The following ZNF493 variants were observed in gnomAD, a reference collection of about 807,000 sequenced individuals.
The protein encoded by ZNF493 is zinc finger protein 493.
In ZNF493, 11 loss-of-function variants were observed where a neutral mutation model predicts 12.2. That is an observed-to-expected ratio of 0.90 (90% CI 0.57 to 1.50). The LOEUF (loss-of-function observed/expected upper bound fraction) is 1.50. Among genes scored for constraint, ZNF493 ranks in the 40% most tolerant of loss-of-function variants. ZNF493 has a pLI of 0.00. For missense variants in ZNF493, 950 were observed against 906.6 expected (o/e 1.05, Z -0.61); for synonymous variants, 286 against 302.6 (o/e 0.95, Z 0.57).
At chr19:21,418,885 A>G (rs2030572004) in intron 3 of ZNF493, among the ~76,000 whole-genome samples, 1 of 152,096 alleles carries the variant, frequency 6.6e-6, no homozygotes, top group Admixed American at 6.5e-5. Flanking sequence ...CCTTGCCCTC[A>G]TTCTGGTAAA....
At chr19:21,398,793 T>C in intron 1 of ZNF493, 1 of 181,330 alleles carries the variant, frequency 5.5e-6, no homozygotes, top group Non-Finnish European at 1.1e-5. Context: ...CAGATGCTGG[T>C]AATGAGGGGA....
chr19:21,397,226 TC>T lies in ZNF493; in HGVS notation c.-10del. ...TTCGTGACCTGAAGATACTGGGAAA[TC>T]CATAGCTAAGATGCCAGGACCCCCT... On this transcript the variant is annotated 5_prime_UTR_variant, in exon 1 of 4. Coordinates refer to ENST00000392288, the MANE Select transcript of ZNF493 (RefSeq NM_001076678.3). The T allele has an allele frequency of 6.2e-7, 1 of 1,614,084 alleles. No homozygotes were observed. Among genetic ancestry groups the T allele is most frequent in the Non-Finnish European group, 8.5e-7 (1 of 1,180,006 alleles).
rs775664554 is a variant in ZNF493, at chr19:21,424,780, T to C, written c.2121T>C (p.His707=). 2 of 1,613,206 alleles carry C rather than the reference T, an allele frequency of 1.2e-6. No individual in the cohort carries two copies. The highest frequency in any genetic ancestry group is 1.7e-6 in the Non-Finnish European group (2 of 1,179,556). ...FSNLNTHKII[H]TGEKPCKCEE... ...ACCTTAATACGCATAAGATAATTCA[T>C]ACTGGAGAGAAACCTTGCAAATGTG... The change falls in exon 4 of 4, where the codon CAT becomes CAC. Residue 707 remains histidine (H), a synonymous_variant. Coordinates refer to ENST00000392288, the MANE Select transcript of ZNF493 (RefSeq NM_001076678.3).
At chr19:21,417,290 A>G (rs907699401) in intron 3 of ZNF493, among the ~76,000 whole-genome samples, 2 of 152,138 alleles carry the variant, frequency 1.3e-5, no homozygotes, top group Non-Finnish European at 2.9e-5. Flanking sequence ...GCTCCAGGAA[A>G]TGGAGTATTT....
intron 3 of ZNF493, among the ~76,000 whole-genome samples, chr19:21,420,589 G>T (rs2145303669): frequency 6.1e-5 from 2 of 32,604 alleles, no homozygotes; most frequent in African/African-American, 1.6e-4. Flanking sequence ...ATACTCACTT[G>T]ATTATATATA....
chr19:21,418,588 GACAC>G (rs958980994), intron 3 of ZNF493, among the ~76,000 whole-genome samples: 3 of 152,120 alleles, frequency 2.0e-5, no homozygotes, highest in African/African-American at 7.2e-5. Flanking sequence ...AGGAATTAAA[GACAC>G]ACACACAGAA....
At position 21,423,264 on chromosome 19, in the gene ZNF493, G is replaced by T. The variant is rs773081781; in HGVS notation, c.605G>T (p.Arg202Ile). The T allele has an allele frequency of 2.9e-5, 46 of 1,613,628 alleles. No homozygotes were observed. The Middle Eastern group carries it at 8.2e-4, about 29-fold the overall frequency. Residue 202 changes from arginine to isoleucine, a missense_variant, in exon 4 of 4, where the codon AGA becomes ATA. Transcript: ENST00000392288. ...CTTTTACACCTATGTCAGCATAAAA[G>T]AATTCATATTAGAGAGAATTCTTAC... ...CMLLHLCQHK[R>I]IHIRENSYRC... is the part of the protein sequence containing the mutation.
At position 21,425,225 on chromosome 19, in the gene ZNF493, A is replaced by AAT. The variant is rs2030824272; in HGVS notation, c.*241_*242insAT. 1.8e-6 allele frequency: 1 copy of AAT among 562,472 alleles called. No individual in the cohort carries two copies. Among genetic ancestry groups the AAT allele is most frequent in the Non-Finnish European group, 3.3e-6 (1 of 307,366 alleles). The allele number at this position is 562,472 out of a possible 1,614,324, so 34.8% of individuals were successfully genotyped here. On this transcript the variant is annotated 3_prime_UTR_variant, in exon 4 of 4. Transcript: ENST00000392288. Reference sequence around the variant, plus strand: ...GTGGCAAAGGCTTTAATTAGTTCTCATCCCTTACTAAACATAAGAGAATTC... The same window carrying AAT: ...GTGGCAAAGGCTTTAATTAGTTCTCAATTCCCTTACTAAACATAAGAGAATTC...
At position 21,426,539 on chromosome 19, in the gene ZNF493, T is replaced by A. The variant is rs2145318645; in HGVS notation, c.*1555T>A. 1 of 167,086 alleles carries A rather than the reference T, an allele frequency of 6.0e-6. No individual in the cohort carries two copies. The highest frequency in any genetic ancestry group is 1.9e-4 in the East Asian group (1 of 5,178). 10.4% of individuals were successfully genotyped at this position (167,086 alleles called of 1,614,324 possible). On this transcript the variant is annotated 3_prime_UTR_variant, in exon 4 of 4. Coordinates refer to ENST00000392288, the MANE Select transcript of ZNF493 (RefSeq NM_001076678.3). ...CAACCATAAAGAGGGTTGAAGTACC[T>A]TTACTTGTATCAGATCTTATTGTCC...
rs2030731583 is a variant in ZNF493, at chr19:21,423,088, C to G, written c.429C>G (p.Asn143Lys). Reference sequence around the variant, plus strand: ...ACAAAGAAGGTTATAATGAACTAAACCAGTATTTGACAACTACCCAGAGCA... The same window carrying G: ...ACAAAGAAGGTTATAATGAACTAAAGCAGTATTTGACAACTACCCAGAGCA... ...NVHKEGYNEL[N>K]QYLTTTQSKI... The change falls in exon 4 of 4, where the codon AAC becomes AAG. Residue 143 changes from asparagine (N) to lysine (K), a missense_variant. Coordinates refer to ENST00000392288, the MANE Select transcript of ZNF493 (RefSeq NM_001076678.3). The G allele has an allele frequency of 3.1e-6, 5 of 1,613,490 alleles. No homozygotes were observed. In the South Asian group the frequency reaches 5.5e-5, roughly 18 times the overall value.
chr19:21,405,030 A>C, intron 1 of ZNF493, 99 bp from the exon 2 acceptor site: 1 of 1,516,656 alleles, frequency 6.6e-7, no homozygotes, highest in South Asian at 1.3e-5. Flanking sequence ...GTCAGAACGA[A>C]TTTTCTTTAC....
chr19:21,406,888 G>A (rs2030149582), intron 3 of ZNF493, among the ~76,000 whole-genome samples: 1 of 151,800 alleles, frequency 6.6e-6, no homozygotes, highest in South Asian at 2.1e-4. Context: ...GGAGAATATG[G>A]TACTTTAACA....
chr19:21,421,185 T>A (rs768611631), intron 3 of ZNF493, among the ~76,000 whole-genome samples: 8 of 149,358 alleles, frequency 5.4e-5, no homozygotes, highest in Non-Finnish European at 9.0e-5. Flanking sequence ...TTTACATCAT[T>A]TTTCAAGATT....
Position 21,424,563 on chromosome 19 carries a change from G to C in ZNF493, c.1904G>C (p.Gly635Ala). 1.9e-6 allele frequency: 3 copies of C among 1,610,142 alleles called. No individual in the cohort carries two copies. Among genetic ancestry groups the C allele is most frequent in the Non-Finnish European group, 1.7e-6 (2 of 1,178,666 alleles). ...AAACCCTACAAATGTGAAGAATGTG[G>C]CAAAGCTTTTAAGCGGTCCTCACAC... is the stretch of plus-strand genomic sequence containing the variant. ...GEKPYKCEECGKAFKRSSHLA... is the reference protein window; with the variant it reads ...GEKPYKCEECAKAFKRSSHLA... Residue 635 changes from glycine (G) to alanine (A), a missense_variant, in exon 4 of 4, where the codon GGC becomes GCC. Gly to Ala is a moderately conservative substitution (Grantham distance 60, BLOSUM62 0). Coordinates refer to ENST00000392288, the MANE Select transcript of ZNF493 (RefSeq NM_001076678.3).
chr19:21,405,685 C>T, intron 2 of ZNF493, 76 bp from the exon 3 acceptor site: 2 of 1,257,912 alleles, frequency 1.6e-6, no homozygotes, highest in Middle Eastern at 2.0e-4. Flanking sequence ...ATTACATCCT[C>T]TTTACTAAGC....
At chr19:21,403,716 T>G (rs75253985) in intron 1 of ZNF493, among the ~76,000 whole-genome samples, 8 of 121,678 alleles carry the variant, frequency 6.6e-5, no homozygotes, top group African/African-American at 2.1e-4. Context: ...GCCTCCTGGA[T>G]TGCCATGCGT....
At chr19:21,418,010 GTGTATTCTAACAAGGAAC>G (rs756486789) in intron 3 of ZNF493, among the ~76,000 whole-genome samples, 137 of 152,304 alleles carry the variant, frequency 9.0e-4, no homozygotes, top group Middle Eastern at 3.4e-3. Flanking sequence ...GATCTGGGGA[GTGTATTCTAACAAGGAAC>G]TGCCAAGCCT....
chr19:21,405,761 G>A lies in ZNF493; in HGVS notation c.158G>A (p.Gly53Asp). Residue 53 changes from glycine to aspartate, a missense_variant and splice_region_variant, in exon 3 of 4, where the codon GGT (glycine) becomes GAT (aspartate). Physicochemically the swap from Gly to Asp is moderately conservative, Grantham distance 94. Transcript: ENST00000392288. ...ATGTTATTTATTTTTAATAAAGCAG[G>A]TATTGCTGTCTCTAAGCCAGATCTG... is the stretch of plus-strand genomic sequence containing the variant. The part of the protein sequence containing the change: ...LENYRNLVFL[G>D]IAVSKPDLVT... 6.2e-7 allele frequency: 1 copy of A among 1,609,536 alleles called. No homozygotes were observed. Among genetic ancestry groups the A allele is most frequent in the Non-Finnish European group, 8.5e-7 (1 of 1,177,746 alleles).
At position 21,425,049 on chromosome 19, in the gene ZNF493, C is replaced by A. The variant is rs2030818859; in HGVS notation, c.*65C>A. ...TAAAGAATGTGGCAAAGCTTTTCACCAGTACTTTACCCTTAATACACATAA... is the reference window on the plus strand; with the variant it reads ...TAAAGAATGTGGCAAAGCTTTTCACAAGTACTTTACCCTTAATACACATAA... On this transcript the variant is annotated 3_prime_UTR_variant, in exon 4 of 4. Transcript: ENST00000392288. 6.6e-7 allele frequency: 1 copy of A among 1,523,686 alleles called. No individual in the cohort carries two copies. The highest frequency in any genetic ancestry group is 8.9e-7 in the Non-Finnish European group (1 of 1,122,704). The allele number at this position is 1,523,686 out of a possible 1,614,324, so 94.4% of individuals were successfully genotyped here.
Sources: allele counts gnomAD v4.1 joint callset (sites outside exome capture counted in the v4.1 genomes callset), GRCh38; gene constraint gnomAD v4.1.1; transcripts MANE v1.5; gene names NCBI Gene and HGNC (gene_info 2026-07-23, HGNC 2026-07-21).